Variants in ZBED3 observed in about 807,000 individuals in gnomAD.
ZBED3 encodes the protein zinc finger BED-type containing 3.
For missense variants in ZBED3, 388 were observed against 362.9 expected, an observed-to-expected ratio of 1.07 and a Z score of -0.56; for synonymous variants, 175 against 180.0, an observed-to-expected ratio of 0.97 and a Z score of 0.22.
In ZBED3 at chr5:77,076,930, C is replaced by T. The variant is rs968601703; in HGVS notation, c.*244G>A. The T allele has an allele frequency of 4.2e-5, 14 of 332,778 alleles. No homozygotes were observed. Among genetic ancestry groups the T allele is most frequent in the Non-Finnish European group, 7.0e-5 (13 of 185,114 alleles). The allele number at this position is 332,778 out of a possible 1,614,324, so 20.6% of individuals were successfully genotyped here. Reference sequence around the variant, plus strand: ...GCCACCCCAATTCCTTGCGTGCATGCCCACGAAAGGCCGCCCAGGCACCCC... The same window carrying T: ...GCCACCCCAATTCCTTGCGTGCATGTCCACGAAAGGCCGCCCAGGCACCCC... On this transcript the variant is annotated 3_prime_UTR_variant, in exon 3 of 3. Transcript: ENST00000255198.
intron 1 of ZBED3, among the ~76,000 whole-genome samples, chr5:77,080,241 G>A (rs1422861272): frequency 6.6e-6 from 1 of 152,202 alleles, no homozygotes; most frequent in Non-Finnish European, 1.5e-5. Context: ...AGTGCCAGAG[G>A]TGACTGATTA....
intron 1 of ZBED3, among the ~76,000 whole-genome samples, chr5:77,085,756 C>G (rs1743225147): frequency 6.6e-6 from 1 of 152,206 alleles, no homozygotes; most frequent in Non-Finnish European, 1.5e-5. Context: ...ATATATTAAT[C>G]TATTTATAAA....
rs13178207 is a variant in ZBED3 at position 77,076,000 on chromosome 5, T to A, written c.*1174A>T. On this transcript the variant is annotated 3_prime_UTR_variant, in exon 3 of 3. Transcript: ENST00000255198. ...ATATATGTATATATATATGTATATATGTATATATATATGTATATATGTATA... is the reference window on the plus strand; with the variant it reads ...ATATATGTATATATATATGTATATAAGTATATATATATGTATATATGTATA... 1 of 68,876 alleles carries A rather than the reference T, an allele frequency of 1.5e-5. No individual in the cohort carries two copies. The highest frequency in any genetic ancestry group is 2.9e-5 in the Non-Finnish European group (1 of 34,380). 4.3% of individuals were successfully genotyped at this position (68,876 alleles called of 1,614,324 possible). A position where few individuals can be genotyped will look rare whatever the true frequency, so the allele number is the denominator to read the frequency against.
At position 77,079,745 on chromosome 5, in the gene ZBED3, C is replaced by T. The variant is rs1054483894; in HGVS notation, c.-152-1017G>A. On this transcript the variant is annotated intron_variant, in intron 1 of 2. Transcript: ENST00000255198. ...TAGAAATTAAAGGCTACATTTTCCCCCAAGAGATGTATTACATTGCTAAAG... is the reference window on the plus strand; with the variant it reads ...TAGAAATTAAAGGCTACATTTTCCCTCAAGAGATGTATTACATTGCTAAAG... Among the ~76,000 whole-genome samples, 9 of 152,024 alleles carry T rather than the reference C, an allele frequency of 5.9e-5. No individual in the cohort carries two copies. In the East Asian group the frequency reaches 1.7e-3, roughly 29 times the overall value.
chr5:77,086,290 T>C (rs1301390902), intron 1 of ZBED3, among the ~76,000 whole-genome samples: 1 of 152,188 alleles, frequency 6.6e-6, no homozygotes, highest in East Asian at 1.9e-4. Context: ...TTACCTGGCT[T>C]GGGCTTTTGG....
rs976906061 is a variant in ZBED3 at position 77,074,753 on chromosome 5, G to A, written c.*2421C>T. The A allele has an allele frequency of 7.9e-5, 12 of 152,412 alleles. No homozygotes were observed. The highest frequency in any genetic ancestry group is 6.8e-3 in the Middle Eastern group (2 of 296). 9.4% of individuals were successfully genotyped at this position (152,412 alleles called of 1,614,324 possible). On this transcript the variant is annotated 3_prime_UTR_variant, in exon 3 of 3. Transcript: ENST00000255198. ...GCAGAGATCTCAGGAAGCAGTACAT[G>A]GTGGTACAGTGGGAGCATGGCATCT... is the stretch of plus-strand genomic sequence containing the variant.
In ZBED3 at chr5:77,077,788, G is replaced by C; in HGVS notation, c.91C>G (p.Pro31Ala). The C allele has an allele frequency of 7.6e-7, 1 of 1,316,018 alleles. No individual in the cohort carries two copies. The highest frequency in any genetic ancestry group is 9.6e-7 in the Non-Finnish European group (1 of 1,037,342). 81.5% of individuals were successfully genotyped at this position (1,316,018 alleles called of 1,614,324 possible). ...CCGGGAGGCGTCGGCGTCGGCGCCG[G>C]CCCCAGTCCCGGACACTGACCGCCC... ...ARGGQCPGLG[P>A]APTPTPPGRL... is the part of the protein sequence containing the mutation. The change falls in exon 3 of 3, where the codon CCG becomes GCG. Residue 31 changes from proline to alanine, a missense_variant. Physicochemically the swap from Pro to Ala is conservative, Grantham distance 27. Coordinates refer to ENST00000255198, the MANE Select transcript of ZBED3 (RefSeq NM_032367.4).
intron 1 of ZBED3, chr5:77,079,209 G>T (rs1743082251): frequency 6.6e-6 from 1 of 152,206 alleles, no homozygotes; most frequent in Admixed American, 6.5e-5. Flanking sequence ...ACAATGAGAA[G>T]AAAACACATG....
intron 1 of ZBED3, among the ~76,000 whole-genome samples, chr5:77,081,407 C>G (rs2972334): frequency 0.19 from 28,848 of 150,636 alleles, 2,835 homozygotes; most frequent in South Asian, 0.22. Flanking sequence ...AGTGCAGTGG[C>G]ACAATCATGG....
chr5:77,075,847 A>G lies in ZBED3; in HGVS notation c.*1327T>C, dbSNP rs1206584130. 1 of 149,374 alleles carries G rather than the reference A, an allele frequency of 6.7e-6. No individual in the cohort carries two copies. The highest frequency in any genetic ancestry group is 1.5e-5 in the Non-Finnish European group (1 of 67,476). The allele number at this position is 149,374 out of a possible 1,614,324, so 9.3% of individuals were successfully genotyped here. On this transcript the variant is annotated 3_prime_UTR_variant, in exon 3 of 3. Coordinates refer to ENST00000255198, the MANE Select transcript of ZBED3 (RefSeq NM_032367.4). ...GCAAAATGAAGGCTGCAAATAGATC[A>G]TCATATTTGGTCACTGGGAGATTGT...
At position 77,077,173 on chromosome 5, in the gene ZBED3, C is replaced by T. The variant is rs149722735; in HGVS notation, c.*1G>A. The T allele has an allele frequency of 2.0e-6, 3 of 1,472,580 alleles. No homozygotes were observed. The highest frequency in any genetic ancestry group is 2.7e-6 in the Non-Finnish European group (3 of 1,115,646). The allele number at this position is 1,472,580 out of a possible 1,614,324, so 91.2% of individuals were successfully genotyped here. A position where few individuals can be genotyped will look rare whatever the true frequency, so the allele number is the denominator to read the frequency against. ...CCTGGGGTGGGGAAGTGGCCACACC[C>T]CTACAGGAGGACCTTTGTGATGACG... On this transcript the variant is annotated 3_prime_UTR_variant, in exon 3 of 3. Transcript: ENST00000255198.
At position 77,077,352 on chromosome 5, in the gene ZBED3, C is replaced by T; in HGVS notation, c.527G>A (p.Arg176His). 2 of 1,252,810 alleles carry T rather than the reference C, an allele frequency of 1.6e-6. No individual in the cohort carries two copies. The highest frequency in any genetic ancestry group is 3.1e-4 in the Middle Eastern group (1 of 3,248). The allele number at this position is 1,252,810 out of a possible 1,614,324, so 77.6% of individuals were successfully genotyped here. ...RRRRALQEEE[R>H]AAAQARRELQ... ...TTCCCGGCGCGCCTGGGCCGCGGCG[C>T]GCTCTTCCTCCTGCAGCGCCCTCCG... The change falls in exon 3 of 3, where the codon CGC (arginine) becomes CAC (histidine). Residue 176 changes from arginine to histidine, a missense_variant. Physicochemically the swap from Arg to His is conservative, Grantham distance 29. Transcript: ENST00000255198.
At chr5:77,082,296 A>T (rs1743143734) in intron 1 of ZBED3, among the ~76,000 whole-genome samples, 1 of 151,828 alleles carries the variant, frequency 6.6e-6, no homozygotes, top group Non-Finnish European at 1.5e-5. Context: ...ATAACCTGAG[A>T]TTCTACTCCT....
In ZBED3 at chr5:77,075,953, ATATATATATATATG is replaced by A. The variant is rs1298108807; in HGVS notation, c.*1207_*1220del. Reference sequence around the variant, plus strand: ...TAAAGTATTATATATACATATATATATATATATATATATGTATATGTATATATGTATATATATAT... The same window carrying A: ...TAAAGTATTATATATACATATATATATATATGTATATATGTATATATATAT... On this transcript the variant is annotated 3_prime_UTR_variant, in exon 3 of 3. Coordinates refer to ENST00000255198, the MANE Select transcript of ZBED3 (RefSeq NM_032367.4). The A allele has an allele frequency of 2.0e-4, 7 of 34,340 alleles. 3 individuals carry two copies. Among genetic ancestry groups the A allele is most frequent in the Admixed American group, 1.5e-3 (4 of 2,674 alleles). 2.1% of individuals were successfully genotyped at this position (34,340 alleles called of 1,614,324 possible).
At position 77,086,315 on chromosome 5, in the gene ZBED3, G is replaced by C. The variant is rs147112586; in HGVS notation, c.-153+796C>G. On this transcript the variant is annotated intron_variant, in intron 1 of 2. Coordinates refer to ENST00000255198, the MANE Select transcript of ZBED3 (RefSeq NM_032367.4). ...TGGGCTTTTGGTCTTTTTATAATAC[G>C]TATTGCTGTCTACTTTTTTTTTTAT... 4.6e-5 allele frequency among the ~76,000 whole-genome samples: 7 copies of C among 151,774 alleles called. No homozygotes were observed. The East Asian group carries it at 9.7e-4, about 21-fold the overall frequency.
Position 77,084,461 on chromosome 5 carries a change from TCGCCTTC to T in ZBED3, c.-153+2643_-153+2649del, listed in dbSNP as rs542289816. Among the ~76,000 whole-genome samples the T allele has an allele frequency of 1.5e-3, 232 of 152,312 alleles. 1 individual carries two copies. Among genetic ancestry groups the T allele is most frequent in the African/African-American group, 5.0e-3 (208 of 41,556 alleles). On this transcript the variant is annotated intron_variant, in intron 1 of 2. Coordinates refer to ENST00000255198, the MANE Select transcript of ZBED3 (RefSeq NM_032367.4). ...GCCGCAGCCAGGTAAGAAGTGCCTT[TCGCCTTC>T]CGCCTTCCGCCATGACTGTTAGGCC...
In ZBED3 at chr5:77,073,712, T is replaced by G. The variant is rs1742924185; in HGVS notation, c.*3462A>C. 6.6e-6 allele frequency: 1 copy of G among 152,208 alleles called. No individual in the cohort carries two copies. The highest frequency in any genetic ancestry group is 1.5e-5 in the Non-Finnish European group (1 of 68,042). 9.4% of individuals were successfully genotyped at this position (152,208 alleles called of 1,614,324 possible). A position where few individuals can be genotyped will look rare whatever the true frequency, so the allele number is the denominator to read the frequency against. ...TTTCCTTTTATTTGTTGTTGTGAAT[T>G]TTACTCAGAATTAAAGATAAATGAT... is the stretch of plus-strand genomic sequence containing the variant. On this transcript the variant is annotated 3_prime_UTR_variant, in exon 3 of 3. Coordinates refer to ENST00000255198, the MANE Select transcript of ZBED3 (RefSeq NM_032367.4).
rs1743049441 is a variant in ZBED3 at position 77,077,661 on chromosome 5, C to G, written c.218G>C (p.Gly73Ala). The change falls in exon 3 of 3, where the codon GGG (glycine) becomes GCG (alanine). Residue 73 changes from glycine to alanine, a missense_variant. By Grantham distance (60) the Gly-to-Ala change is moderately conservative. Transcript: ENST00000255198. Reference sequence around the variant, plus strand: ...GCCCGGGCCGCGGCCCACCTGCTCCCCGCACAGACGGCAGGTGGCCCAGTG... The same window carrying G: ...GCCCGGGCCGCGGCCCACCTGCTCCGCGCACAGACGGCAGGTGGCCCAGTG... ...SGHWATCRLC[G>A]EQVGRGPGFH... 7.1e-7 allele frequency: 1 copy of G among 1,403,756 alleles called. No individual in the cohort carries two copies. Among genetic ancestry groups the G allele is most frequent in the South Asian group, 1.5e-5 (1 of 66,600 alleles). 87.0% of individuals were successfully genotyped at this position (1,403,756 alleles called of 1,614,324 possible).
At chr5:77,083,625 T>A (rs7701618) in intron 1 of ZBED3, among the ~76,000 whole-genome samples, 2 of 152,106 alleles carry the variant, frequency 1.3e-5, no homozygotes, top group Non-Finnish European at 2.9e-5. Flanking sequence ...AAACTACCGA[T>A]ATTTACTGCT....
Sources: allele counts gnomAD v4.1 joint callset (sites outside exome capture counted in the v4.1 genomes callset), GRCh38; gene constraint gnomAD v4.1.1; transcripts MANE v1.5; gene names NCBI Gene and HGNC (gene_info 2026-07-23, HGNC 2026-07-21).